Variants in GRAMD4 observed in about 807,000 individuals in gnomAD.
The protein encoded by GRAMD4 is GRAM domain containing 4, also known as GRAM domain-containing protein 4.
GRAMD4 carries 25 observed loss-of-function variants against 83.9 expected under a neutral mutation model. The observed-to-expected ratio is 0.30, with a 90% CI of 0.22 to 0.42. The LOEUF is 0.42. GRAMD4 is among the 10% of genes least tolerant of loss of function. The pLI, the probability that GRAMD4 is intolerant of heterozygous loss-of-function variation, is 1.00. For missense variants in GRAMD4, 593 were observed against 788.7 expected (o/e 0.75, Z 2.97); for synonymous variants, 336 against 320.9 (o/e 1.05, Z -0.50).
At chr22:46,658,621 C>T (rs1430445988) in intron 4 of GRAMD4, among the ~76,000 whole-genome samples, 3 of 152,114 alleles carry the variant, frequency 2.0e-5, no homozygotes, top group Non-Finnish European at 4.4e-5. Context: ...ATGGGGCCTG[C>T]AGAGCCCCAG....
At chr22:46,645,285 C>T (rs2082057452) in intron 3 of GRAMD4, among the ~76,000 whole-genome samples, 1 of 152,082 alleles carries the variant, frequency 6.6e-6, no homozygotes, top group Admixed American at 6.5e-5. Flanking sequence ...CATCTCAGTC[C>T]CCAGAAGGAT....
intron 1 of GRAMD4, among the ~76,000 whole-genome samples, chr22:46,585,779 T>A (rs953900765): frequency 1.3e-5 from 2 of 152,140 alleles, no homozygotes; most frequent in African/African-American, 4.8e-5. Context: ...CAAGGAGGGC[T>A]CCCTGGAGCG....
chr22:46,603,186 A>G (rs2081328276), intron 1 of GRAMD4, among the ~76,000 whole-genome samples: 1 of 146,928 alleles, frequency 6.8e-6, no homozygotes, highest in African/African-American at 2.5e-5. Context: ...TTTTTAACAT[A>G]ACGTATCTTC....
In GRAMD4 at chr22:46,663,880, C is replaced by T; in HGVS notation, c.625+17C>T. 1 of 1,613,058 alleles carries T rather than the reference C, an allele frequency of 6.2e-7. No homozygotes were observed. The highest frequency in any genetic ancestry group is 8.5e-7 in the Non-Finnish European group (1 of 1,179,594). ...GACGGCTCAGTGAGTACCAGCGGCT[C>T]TGCGTGGCGCCCACGATGCTCAGTG... On this transcript the variant is annotated intron_variant, in intron 7 of 18. Transcript: ENST00000406902.
chr22:46,615,867 C>T (rs1209374840), upstream of GRAMD4, among the ~76,000 whole-genome samples: 1 of 54,664 alleles, frequency 1.8e-5, no homozygotes, highest in East Asian at 1.8e-3. Context: ...TTCCCCTGTG[C>T]GTGTAGGTTC....
At chr22:46,663,561 G>C (rs1292308151) in intron 6 of GRAMD4, among the ~76,000 whole-genome samples, 1 of 152,234 alleles carries the variant, frequency 6.6e-6, no homozygotes, top group African/African-American at 2.4e-5. Context: ...CCCTGCCCTT[G>C]AGGACTTCTG....
At chr22:46,663,261 C>T (rs879375999) in intron 6 of GRAMD4, 89 bp downstream of exon 6, 81 of 1,268,438 alleles carry the variant, frequency 6.4e-5, no homozygotes, top group African/African-American at 2.8e-4. Flanking sequence ...CCTTTATCAC[C>T]GTGGGCCAAA....
chr22:46,593,214 G>GT (rs1555952703), intron 1 of GRAMD4, among the ~76,000 whole-genome samples: 2 of 151,984 alleles, frequency 1.3e-5, no homozygotes, highest in Non-Finnish European at 2.9e-5. Flanking sequence ...TTAAAAAGTC[G>GT]TAAGTTCTGA....
chr22:46,636,787 T>C (rs1374555354), intron 2 of GRAMD4, among the ~76,000 whole-genome samples: 1 of 152,228 alleles, frequency 6.6e-6, no homozygotes, highest in Non-Finnish European at 1.5e-5. Context: ...GCATGGCCCC[T>C]GCTTTCTGTC....
chr22:46,618,602 G>C (rs2081533899), upstream of GRAMD4, among the ~76,000 whole-genome samples: 1 of 152,212 alleles, frequency 6.6e-6, no homozygotes, highest in Non-Finnish European at 1.5e-5. This position sits in a 1 kb window ranked among gnomAD's most constrained non-coding sequence, Gnocchi z 5.8. Flanking sequence ...CTTTGGCAGG[G>C]GCGCTGCAGA....
intron 1 of GRAMD4, among the ~76,000 whole-genome samples, chr22:46,607,212 G>GGGA (rs1054870396): frequency 1.2e-4 from 18 of 152,016 alleles, no homozygotes; most frequent in African/African-American, 4.4e-4. Flanking sequence ...AAAAGGGGGG[G>GGGA]GTCATACAGC....
intron 2 of GRAMD4, among the ~76,000 whole-genome samples, chr22:46,632,368 C>T (rs1190531223): frequency 1.3e-5 from 2 of 152,220 alleles, no homozygotes; most frequent in African/African-American, 4.8e-5. Context: ...AGAAGACCCA[C>T]GCCCCATCTT....
At chr22:46,643,112 C>CGTGGATCCATCT (rs1226011538) in intron 3 of GRAMD4, among the ~76,000 whole-genome samples, 3 of 151,498 alleles carry the variant, frequency 2.0e-5, no homozygotes, top group East Asian at 1.9e-4. Flanking sequence ...TCCATCCATC[C>CGTGGATCCATCT]ATCCATCCAT....
intron 1 of GRAMD4, among the ~76,000 whole-genome samples, chr22:46,608,990 C>T (rs2081391967): frequency 6.6e-6 from 1 of 151,982 alleles, no homozygotes; most frequent in Non-Finnish European, 1.5e-5. Flanking sequence ...GATCACTGGG[C>T]AGTGGCACGT....
intron 1 of GRAMD4, among the ~76,000 whole-genome samples, chr22:46,623,434 C>T (rs2081606390): frequency 6.6e-6 from 1 of 152,192 alleles, no homozygotes; most frequent in African/African-American, 2.4e-5. Context: ...GCCCCCCAGG[C>T]TGCAGTGCAG....
At chr22:46,652,812 C>A (rs2082186141) in intron 3 of GRAMD4, among the ~76,000 whole-genome samples, 1 of 152,154 alleles carries the variant, frequency 6.6e-6, no homozygotes, top group Admixed American at 6.5e-5. Context: ...GGAAATCGGC[C>A]CTCCTGTTTC....
intron 1 of GRAMD4, among the ~76,000 whole-genome samples, chr22:46,612,424 G>A (rs1244974701): frequency 2.0e-5 from 3 of 152,218 alleles, no homozygotes; most frequent in Non-Finnish European, 2.9e-5. Flanking sequence ...TCTCCTTGGT[G>A]TCAGGAGTTG....
chr22:46,581,663 A>G (rs775391546), intron 1 of GRAMD4, among the ~76,000 whole-genome samples: 2 of 152,220 alleles, frequency 1.3e-5, no homozygotes, highest in African/African-American at 2.4e-5. Context: ...GACATGATTT[A>G]TTTTCGTACC....
At position 46,659,492 on chromosome 22, in the gene GRAMD4, G is replaced by A. The variant is rs926783658; in HGVS notation, c.404+1185G>A. 2.0e-5 allele frequency among the ~76,000 whole-genome samples: 3 copies of A among 152,236 alleles called. No homozygotes were observed. Among genetic ancestry groups the A allele is most frequent in the Non-Finnish European group, 4.4e-5 (3 of 68,036 alleles). On this transcript the variant is annotated intron_variant, in intron 4 of 18. Coordinates refer to ENST00000406902, the MANE Select transcript of GRAMD4 (RefSeq NM_015124.5). The surrounding 1 kb of genome is among the most constrained non-coding windows in gnomAD (Gnocchi z 4.1). ...AGTTAGGGAGGCACACGGCATCTCT[G>A]GGACACCCCAGCTGAGCACTGCCTG...
Sources: allele counts gnomAD v4.1 joint callset (sites outside exome capture counted in the v4.1 genomes callset), GRCh38; gene constraint gnomAD v4.1.1; non-coding constraint Gnocchi (gnomAD v3.1); transcripts MANE v1.5; gene names NCBI Gene and HGNC (gene_info 2026-07-23, HGNC 2026-07-21).